The following NFATC1 variants were observed in gnomAD, a reference collection of about 807,000 sequenced individuals.
NFATC1 encodes the protein nuclear factor of activated T cells 1, also known as nuclear factor of activated T-cells, cytoplasmic 1.
A neutral mutation model predicts 76.0 loss-of-function variants in NFATC1; 22 were observed. The observed-to-expected ratio is 0.29, with a 90% CI of 0.21 to 0.41. NFATC1 has a LOEUF of 0.41. NFATC1 is among the 10% of genes least tolerant of loss of function. The probability of loss-of-function intolerance (pLI) is 1.00; values close to 1 mark genes in which losing one functional copy is unlikely to be tolerated. For missense variants in NFATC1, 1,357 were observed against 1,337.7 expected (o/e 1.01, Z -0.23); for synonymous variants, 704 against 613.1 (o/e 1.15, Z -2.19).
At chr18:79,461,043 C>T (rs747650062) in intron 6 of NFATC1, among the ~76,000 whole-genome samples, 3 of 152,232 alleles carry the variant, frequency 2.0e-5, no homozygotes, top group Non-Finnish European at 2.9e-5. Flanking sequence ...CCTCCTACGC[C>T]GGGCTGGGGT....
chr18:79,461,405 C>T (rs768826409), intron 7 of NFATC1, 39 bp downstream of exon 7: 3 of 1,612,682 alleles, frequency 1.9e-6, no homozygotes, highest in Non-Finnish European at 2.5e-6. Flanking sequence ...CTGTGGGTCC[C>T]CAGGGCTTGG....
intron 1 of NFATC1, among the ~76,000 whole-genome samples, chr18:79,403,210 G>A (rs1395390764): frequency 5.9e-5 from 9 of 152,268 alleles, no homozygotes; most frequent in Admixed American, 3.9e-4. Flanking sequence ...TCCAGGCTGC[G>A]GGCACAGGTC....
intron 2 of NFATC1, among the ~76,000 whole-genome samples, chr18:79,431,154 A>G (rs1175145320): frequency 6.6e-6 from 1 of 152,222 alleles, no homozygotes; most frequent in African/African-American, 2.4e-5. Flanking sequence ...GTGGGTGGTG[A>G]GCCTGCCAGG....
At chr18:79,523,808 G>A (rs896158859) in intron 9 of NFATC1, 13 of 151,868 alleles carry the variant, frequency 8.6e-5, no homozygotes, top group African/African-American at 2.9e-4. Context: ...TCTAATATAA[G>A]GGAAAAAAAA....
At chr18:79,516,469 C>G (rs1241195822) in intron 9 of NFATC1, among the ~76,000 whole-genome samples, 1 of 152,106 alleles carries the variant, frequency 6.6e-6, no homozygotes, top group Non-Finnish European at 1.5e-5. Context: ...ACGCTGCGAC[C>G]CTGCGTTTTC....
chr18:79,462,829 G>A (rs898839890), intron 7 of NFATC1, among the ~76,000 whole-genome samples: 2 of 81,886 alleles, frequency 2.4e-5, no homozygotes, highest in African/African-American at 3.6e-5. Context: ...CCTGCGGGTC[G>A]GGGAGTCTTG....
chr18:79,496,366 A>G (rs894128713), intron 9 of NFATC1: 22 of 152,440 alleles, frequency 1.4e-4, no homozygotes, highest in African/African-American at 4.3e-4. Flanking sequence ...TTTAAAAAGC[A>G]TAACAGCCAC....
intron 9 of NFATC1, among the ~76,000 whole-genome samples, chr18:79,491,829 TCAGCC>T (rs2089688212): frequency 6.6e-6 from 1 of 151,958 alleles, no homozygotes; most frequent in African/African-American, 2.4e-5. Context: ...GGCCGGGGAC[TCAGCC>T]CCGGCCCCTG....
chr18:79,442,764 TGTCTGGGGGAG>T (rs1300600208), intron 3 of NFATC1, among the ~76,000 whole-genome samples: 1 of 152,168 alleles, frequency 6.6e-6, no homozygotes, highest in Non-Finnish European at 1.5e-5. Context: ...ATCTGGTTGG[TGTCTGGGGGAG>T]GTCTGGGGCC....
Position 79,524,022 on chromosome 18 carries a change from A to T in NFATC1, c.2783-3506A>T, listed in dbSNP as rs2090682944. On this transcript the variant is annotated intron_variant, in intron 9 of 9. Coordinates refer to ENST00000427363, the MANE Select transcript of NFATC1 (RefSeq NM_001278669.2). This position sits in a 1 kb window ranked among gnomAD's most constrained non-coding sequence, Gnocchi z 7.2. ...GCTGAATAAGAAGATGGAAATTATC[A>T]GCAGAGAGAGCTGGTATGGGAAACC... The T allele has an allele frequency of 6.6e-6, 1 of 152,274 alleles. No homozygotes were observed. Among genetic ancestry groups the T allele is most frequent in the South Asian group, 2.1e-4 (1 of 4,834 alleles). 9.4% of individuals were successfully genotyped at this position (152,274 alleles called of 1,614,324 possible). A position where few individuals can be genotyped will look rare whatever the true frequency, so the allele number is the denominator to read the frequency against.
chr18:79,520,953 G>A (rs1415951793), intron 9 of NFATC1, among the ~76,000 whole-genome samples: 3 of 110,054 alleles, frequency 2.7e-5, no homozygotes, highest in Middle Eastern at 6.8e-3. Flanking sequence ...ACTGATGTGT[G>A]TGTCTGTGTG....
At chr18:79,443,686 C>T (rs1185159446) in intron 3 of NFATC1, among the ~76,000 whole-genome samples, 1 of 152,244 alleles carries the variant, frequency 6.6e-6, no homozygotes, top group Non-Finnish European at 1.5e-5. Context: ...GGACGCTTCC[C>T]TTGAATCCTT....
At chr18:79,508,297 C>T (rs1396519976) in intron 9 of NFATC1, among the ~76,000 whole-genome samples, 1 of 152,066 alleles carries the variant, frequency 6.6e-6, no homozygotes, top group East Asian at 1.9e-4. Flanking sequence ...GAGGGATGGA[C>T]GGACAGAGGG....
At chr18:79,444,230 G>A (rs910816836) in intron 3 of NFATC1, among the ~76,000 whole-genome samples, 24 of 152,070 alleles carry the variant, frequency 1.6e-4, no homozygotes, top group Non-Finnish European at 1.3e-4. Context: ...CGCTCTGGGG[G>A]GGTGTGCACA....
At chr18:79,483,846 CG>C (rs1469790596) in intron 8 of NFATC1, among the ~76,000 whole-genome samples, 3 of 136,122 alleles carry the variant, frequency 2.2e-5, no homozygotes, top group Non-Finnish European at 4.6e-5. Flanking sequence ...TCCAGCGTGA[CG>C]TGGTTCCTGG....
At chr18:79,400,562 C>T in intron 1 of NFATC1, 1 of 1,211,292 alleles carries the variant, frequency 8.3e-7, no homozygotes, top group Non-Finnish European at 1.1e-6. Flanking sequence ...GTCCTCGTCG[C>T]TCCCCGGGGA....
intron 8 of NFATC1, among the ~76,000 whole-genome samples, chr18:79,476,645 C>G (rs118023986): frequency 1.3e-5 from 2 of 152,342 alleles, no homozygotes; most frequent in East Asian, 3.9e-4. Flanking sequence ...ACCGATGTTG[C>G]TCGGGGTCGA....
At chr18:79,412,626 T>C (rs2085735860) in intron 2 of NFATC1, among the ~76,000 whole-genome samples, 1 of 152,172 alleles carries the variant, frequency 6.6e-6, no homozygotes, top group African/African-American at 2.4e-5. Flanking sequence ...CAGCCATGGC[T>C]GGAGCACGCA....
chr18:79,400,154 G>A, intron 1 of NFATC1: 1 of 1,052,408 alleles, frequency 9.5e-7, no homozygotes, highest in Non-Finnish European at 1.2e-6. Context: ...CGGGGGCGGG[G>A]GGGACACGAG....
Sources: gnomAD v4.1 joint callset for allele counts (sites outside exome capture counted in the v4.1 genomes callset) on GRCh38, gnomAD v4.1.1 for gene constraint, Gnocchi (gnomAD v3.1) non-coding constraint, MANE v1.5 for transcripts, NCBI Gene and HGNC (gene_info 2026-07-23, HGNC 2026-07-21) for gene names.